Variants in TMEM245 observed in about 807,000 individuals in gnomAD.
The protein encoded by TMEM245 is protein CG-2.
Under a neutral mutation model 101.2 loss-of-function variants are expected in TMEM245, and 69 were observed. That is an observed-to-expected ratio of 0.68 (90% CI 0.56 to 0.83). The LOEUF (loss-of-function observed/expected upper bound fraction) is 0.83. Ranked by LOEUF, TMEM245 falls within the 40% of genes least tolerant of loss-of-function variation. The pLI is 0.00. For synonymous variants in TMEM245, 537 were observed against 449.8 expected (o/e 1.19, Z -2.45); for missense variants, 1,075 against 1,092.8 (o/e 0.98, Z 0.23).
intron 11 of TMEM245, among the ~76,000 whole-genome samples, chr9:109,059,497 T>C (rs903210467): frequency 1.3e-5 from 2 of 152,104 alleles, no homozygotes; most frequent in East Asian, 1.9e-4. Context: ...CTGGACAACA[T>C]GGCAAAACCC....
intron 17 of TMEM245, among the ~76,000 whole-genome samples, chr9:109,022,156 T>G (rs1827645580): frequency 6.6e-6 from 1 of 152,102 alleles, no homozygotes; most frequent in South Asian, 2.1e-4. Context: ...ACAGGTAAAA[T>G]GTCACAGAAA....
intron 9 of TMEM245, among the ~76,000 whole-genome samples, chr9:109,071,512 G>A (rs76689835): frequency 0.22 from 33,007 of 151,150 alleles, 4,369 homozygotes; most frequent in Admixed American, 0.3. Context: ...ACTAAAGTGG[G>A]AGGAATGATT....
At chr9:109,024,918 A>G (rs1244896662) in intron 17 of TMEM245, among the ~76,000 whole-genome samples, 1 of 152,176 alleles carries the variant, frequency 6.6e-6, no homozygotes. Flanking sequence ...TAGAATATTT[A>G]TGTTTCAGAA....
rs1235365531 is a variant in TMEM245 at position 109,015,917 on chromosome 9, C to T, written c.*4543G>A. The T allele has an allele frequency of 2.6e-5, 4 of 152,578 alleles. No homozygotes were observed. The highest frequency in any genetic ancestry group is 9.7e-5 in the African/African-American group (4 of 41,450). The allele number at this position is 152,578 out of a possible 1,614,324, so 9.5% of individuals were successfully genotyped here. On this transcript the variant is annotated 3_prime_UTR_variant, in exon 18 of 18. Coordinates refer to ENST00000374586, the MANE Select transcript of TMEM245 (RefSeq NM_032012.4). The stretch of plus-strand genomic sequence containing the variant: ...AAAATTAAACACAATACTGATTTTA[C>T]ACACCACAGGTGGAAAAGAATCTCT...
intron 7 of TMEM245, among the ~76,000 whole-genome samples, chr9:109,083,901 CAAAAAAAAAAAAAAAA>C (rs751739620): frequency 0.01 from 356 of 34,502 alleles, 17 homozygotes; most frequent in African/African-American, 0.037. Context: ...ACTAAAAATA[CAAAAAAAAAAAAAAAA>C]AAAAAAAAAA....
rs533536401 is a variant in TMEM245, at chr9:109,119,821, G to A, written c.93C>T (p.Gly31=). Reference sequence around the variant, plus strand: ...CGGTCCGCGGGGTCTCCCCGCCACCGCCACTCGGCCCGACCGCGCGCGGGA... The same window carrying A: ...CGGTCCGCGGGGTCTCCCCGCCACCACCACTCGGCCCGACCGCGCGCGGGA... ...PRVPRAVGPS[G]GGGETPRTAA... is the part of the protein sequence containing the mutation. Residue 31 remains glycine, a synonymous_variant, in exon 1 of 18, where the codon GGC becomes GGT. Coordinates refer to ENST00000374586, the MANE Select transcript of TMEM245 (RefSeq NM_032012.4). The A allele has an allele frequency of 2.7e-5, 38 of 1,412,030 alleles. No homozygotes were observed. In the African/African-American group the frequency reaches 4.5e-4, roughly 17 times the overall value. 87.5% of individuals were successfully genotyped at this position (1,412,030 alleles called of 1,614,324 possible).
intron 10 of TMEM245, among the ~76,000 whole-genome samples, chr9:109,061,995 T>C (rs1357613235): frequency 1.3e-5 from 2 of 151,826 alleles, no homozygotes; most frequent in Non-Finnish European, 2.9e-5. Flanking sequence ...TGCAACCAAA[T>C]AAAATGAGTT....
chr9:109,119,752 G>T lies in TMEM245; in HGVS notation c.162C>A (p.Phe54Leu). The T allele has an allele frequency of 6.6e-7, 1 of 1,521,298 alleles. No individual in the cohort carries two copies. 94.2% of individuals were successfully genotyped at this position (1,521,298 alleles called of 1,614,324 possible). A position where few individuals can be genotyped will look rare whatever the true frequency, so the allele number is the denominator to read the frequency against. ...CGAACAGCACGGCCCCGGTGTTGTA[G>T]AAGGCCTGCTTAATGGGCTTGTCGA... Reference protein sequence around the residue: ...LRFDKPIKQAFYNTGAVLFVC... With the variant: ...LRFDKPIKQALYNTGAVLFVC... Residue 54 changes from phenylalanine (F) to leucine (L), a missense_variant, in exon 1 of 18, where the codon TTC becomes TTA. Transcript: ENST00000374586.
In TMEM245 at chr9:109,087,406, G is replaced by C. The variant is rs1829875750; in HGVS notation, c.1151-64C>G. On this transcript the variant is annotated intron_variant, in intron 5 of 17. Coordinates refer to ENST00000374586, the MANE Select transcript of TMEM245 (RefSeq NM_032012.4). ...AGATTAACAAGTTGTAACATGAAAAGGTACCTTAATTTCACAAAACCTTTC... is the reference window on the plus strand; with the variant it reads ...AGATTAACAAGTTGTAACATGAAAACGTACCTTAATTTCACAAAACCTTTC... 3 of 1,428,722 alleles carry C rather than the reference G, an allele frequency of 2.1e-6. No individual in the cohort carries two copies. In the Admixed American group the frequency reaches 7.4e-5, roughly 35 times the overall value. 88.5% of individuals were successfully genotyped at this position (1,428,722 alleles called of 1,614,324 possible).
At chr9:109,042,773 C>A (rs1473351704) in intron 14 of TMEM245, among the ~76,000 whole-genome samples, 1 of 151,670 alleles carries the variant, frequency 6.6e-6, no homozygotes, top group Non-Finnish European at 1.5e-5. Context: ...AACTTCCTCC[C>A]TCTTATAAGA....
At chr9:109,058,477 A>T (rs913531829) in intron 11 of TMEM245, among the ~76,000 whole-genome samples, 1 of 152,142 alleles carries the variant, frequency 6.6e-6, no homozygotes, top group African/African-American at 2.4e-5. Context: ...CTCATCTGTA[A>T]TCCTACCACT....
intron 14 of TMEM245, among the ~76,000 whole-genome samples, chr9:109,044,951 G>T (rs1467903650): frequency 6.6e-6 from 1 of 151,870 alleles, no homozygotes; most frequent in Non-Finnish European, 1.5e-5. Context: ...GTGGAGATGG[G>T]GTTTCTCCAT....
chr9:109,045,706 C>T (rs1383993135), intron 14 of TMEM245, among the ~76,000 whole-genome samples: 1 of 152,128 alleles, frequency 6.6e-6, no homozygotes, highest in Non-Finnish European at 1.5e-5. Flanking sequence ...AAGTAAAAGA[C>T]ACATTTTTAA....
intron 10 of TMEM245, 111 bp from the exon 11 acceptor site, chr9:109,060,563 A>G: frequency 2.9e-6 from 2 of 682,650 alleles, no homozygotes; most frequent in South Asian, 4.0e-5. Flanking sequence ...AATGTTCCAG[A>G]CTATTTATCT....
intron 1 of TMEM245, among the ~76,000 whole-genome samples, chr9:109,114,994 A>C (rs1262186016): frequency 1.3e-5 from 2 of 152,190 alleles, no homozygotes; most frequent in Non-Finnish European, 2.9e-5. Context: ...GAGACTGAAG[A>C]AATCTACAAG....
At chr9:109,076,707 T>C (rs906350297) in intron 8 of TMEM245, among the ~76,000 whole-genome samples, 2 of 152,240 alleles carry the variant, frequency 1.3e-5, no homozygotes, top group African/African-American at 4.8e-5. Flanking sequence ...TTTTTTTGTT[T>C]GAGACAGTGA....
chr9:109,033,839 C>A (rs1156755840), intron 16 of TMEM245, among the ~76,000 whole-genome samples: 4 of 152,172 alleles, frequency 2.6e-5, no homozygotes, highest in Non-Finnish European at 5.9e-5. Context: ...TAGGAGTCAC[C>A]TGTTAAGTTA....
chr9:109,090,988 C>G lies in TMEM245; in HGVS notation c.1084G>C (p.Ala362Pro). 6.2e-7 allele frequency: 1 copy of G among 1,614,172 alleles called. No homozygotes were observed. Among genetic ancestry groups the G allele is most frequent in the Non-Finnish European group, 8.5e-7 (1 of 1,180,036 alleles). The change falls in exon 5 of 18, where the codon GCC becomes CCC. Residue 362 changes from alanine to proline, a missense_variant. This residue lies in a region of TMEM245 where 808 missense variants were observed against 741.5 expected (regional missense o/e 1.09). Coordinates refer to ENST00000374586, the MANE Select transcript of TMEM245 (RefSeq NM_032012.4). Reference protein sequence around the residue: ...SDIYFVSLVWAIVVMQIWLNL... With the variant: ...SDIYFVSLVWPIVVMQIWLNL... ...AACCAGATCTGCATGACGACAATGG[C>G]CCAAACTAGAGACACAAAGTAGATG...
chr9:109,032,246 T>C (rs992727465), intron 17 of TMEM245, among the ~76,000 whole-genome samples: 2 of 152,094 alleles, frequency 1.3e-5, no homozygotes, highest in African/African-American at 2.4e-5. Flanking sequence ...ATTGATATAT[T>C]ATTTAACATA....
Sources: gnomAD v4.1 joint callset for allele counts (sites outside exome capture counted in the v4.1 genomes callset) on GRCh38, gnomAD v4.1.1 for gene constraint, gnomAD v4.1.1 regional missense constraint, MANE v1.5 for transcripts, NCBI Gene and HGNC (gene_info 2026-07-23, HGNC 2026-07-21) for gene names.